BRD10: variants seen among roughly 807,000 people sequenced by gnomAD.
BRD10 encodes uncharacterized bromodomain-containing protein 10.
the BRD10 span, among the ~76,000 whole-genome samples, chr9:5,914,402 T>A: frequency 1.5e-5 from 2 of 133,454 alleles, no homozygotes; most frequent in East Asian, 4.7e-4. Flanking sequence ...GTTTTACAAA[T>A]CCAGATGGTT....
chr9:5,981,957 G>T, the BRD10 span, among the ~76,000 whole-genome samples: 1 of 152,004 alleles, frequency 6.6e-6, no homozygotes, highest in African/African-American at 2.4e-5. Context: ...GGGTGCACCA[G>T]AATCTCAGAA....
chr9:5,892,585 G>C, the BRD10 span: 11 of 1,591,006 alleles, frequency 6.9e-6, no homozygotes, highest in South Asian at 1.0e-4. Flanking sequence ...AGGGCTTCCA[G>C]TTTGCCGTTT....
At chr9:5,921,260 A>G in the BRD10 span, 2 of 1,613,970 alleles carry the variant, frequency 1.2e-6, no homozygotes, top group Non-Finnish European at 1.7e-6. Flanking sequence ...TGCTTGACCT[A>G]TGTTTAGTCC....
chr9:5,938,707 T>C, the BRD10 span, among the ~76,000 whole-genome samples: 1 of 140,738 alleles, frequency 7.1e-6, no homozygotes, highest in African/African-American at 2.7e-5. Flanking sequence ...GTCATTTTAA[T>C]TTTTAAAAGA....
At chr9:6,007,418 G>C in the BRD10 span, 13 of 1,607,004 alleles carry the variant, frequency 8.1e-6, no homozygotes, top group African/African-American at 1.3e-5. Context: ...CGACCGCCCC[G>C]GCCCCCGCTG....
At chr9:5,909,876 A>C in the BRD10 span, 1 of 152,222 alleles carries the variant, frequency 6.6e-6, no homozygotes, top group African/African-American at 2.4e-5. Flanking sequence ...CTTTGGCTAC[A>C]TCAACGTATC....
At chr9:5,906,693 G>A in the BRD10 span, among the ~76,000 whole-genome samples, 1 of 152,210 alleles carries the variant, frequency 6.6e-6, no homozygotes, top group African/African-American at 2.4e-5. Context: ...ATTCTGAGAG[G>A]TAGGTAGGTA....
chr9:5,991,529 C>T, the BRD10 span, among the ~76,000 whole-genome samples: 1 of 152,072 alleles, frequency 6.6e-6, no homozygotes, highest in Admixed American at 6.6e-5. Context: ...TCCAGACCAG[C>T]TTGGCCAATA....
At chr9:5,991,549 C>A in the BRD10 span, among the ~76,000 whole-genome samples, 6 of 151,816 alleles carry the variant, frequency 4.0e-5, no homozygotes, top group Admixed American at 3.9e-4. Flanking sequence ...ATGGTAAAAC[C>A]CTATCTCTAC....
At chr9:5,938,304 T>G in the BRD10 span, among the ~76,000 whole-genome samples, 29 of 151,978 alleles carry the variant, frequency 1.9e-4, no homozygotes, top group African/African-American at 7.0e-4. Flanking sequence ...TAGCCAGGTG[T>G]GGTGGTTTGA....
At chr9:5,891,341 A>G in the BRD10 span, 6 of 152,350 alleles carry the variant, frequency 3.9e-5, no homozygotes, top group African/African-American at 1.2e-4. Context: ...AAGAATTAAG[A>G]TTCCATTCTG....
the BRD10 span, among the ~76,000 whole-genome samples, chr9:5,950,248 T>G: frequency 1.3e-5 from 2 of 152,296 alleles, no homozygotes; most frequent in Middle Eastern, 3.4e-3. Context: ...ATAATAGATG[T>G]TTTTATGCCA....
At chr9:5,887,989 GGGTT>G in the BRD10 span, among the ~76,000 whole-genome samples, 1 of 152,150 alleles carries the variant, frequency 6.6e-6, no homozygotes, top group African/African-American at 2.4e-5. Context: ...AGTATCTGGT[GGGTT>G]GGTACTGCCC....
the BRD10 span, among the ~76,000 whole-genome samples, chr9:5,880,094 T>G: frequency 6.6e-6 from 1 of 151,942 alleles, no homozygotes; most frequent in South Asian, 2.1e-4. Context: ...TAACTTTTTT[T>G]ATTTTTAGTA....
the BRD10 span, among the ~76,000 whole-genome samples, chr9:5,947,279 C>T: frequency 0.013 from 2,022 of 152,118 alleles, 16 homozygotes; most frequent in Non-Finnish European, 0.021. Context: ...TGAGGTGAGA[C>T]CTTGGATTCT....
the BRD10 span, among the ~76,000 whole-genome samples, chr9:6,005,736 T>C: frequency 6.6e-6 from 1 of 152,222 alleles, no homozygotes; most frequent in Non-Finnish European, 1.5e-5. Context: ...CGTGAATGGA[T>C]TGTTTTTTAT....
the BRD10 span, among the ~76,000 whole-genome samples, chr9:5,892,997 C>G: frequency 6.6e-6 from 1 of 152,028 alleles, no homozygotes; most frequent in African/African-American, 2.4e-5. Flanking sequence ...CAGCCAGACT[C>G]GAGAGGAAGA....
At chr9:5,992,541 A>C in the BRD10 span, among the ~76,000 whole-genome samples, 13 of 151,736 alleles carry the variant, frequency 8.6e-5, no homozygotes, top group Admixed American at 7.2e-4. Context: ...GCAAAAAAAC[A>C]CACTAAAATA....
chr9:5,991,860 C>T, the BRD10 span, among the ~76,000 whole-genome samples: 3 of 152,156 alleles, frequency 2.0e-5, no homozygotes, highest in African/African-American at 7.2e-5. Flanking sequence ...CCTACCTCTC[C>T]AGGCCTAATT....
Sources: gnomAD v4.1 joint callset for allele counts (sites outside exome capture counted in the v4.1 genomes callset) on GRCh38, gnomAD v4.1.1 for gene constraint, MANE v1.5 for transcripts, NCBI Gene and HGNC (gene_info 2026-07-23, HGNC 2026-07-21) for gene names.